The following TRAPPC9 variants were observed in gnomAD, a reference collection of about 807,000 sequenced individuals.
TRAPPC9 encodes trafficking protein particle complex subunit 9.
In TRAPPC9, 83 loss-of-function variants were observed where a neutral mutation model predicts 124.0. The observed-to-expected ratio is 0.67, with a 90% CI of 0.56 to 0.80. The LOEUF (loss-of-function observed/expected upper bound fraction) is 0.80, where lower values mean the gene tolerates loss of function less well. Among genes scored for constraint, TRAPPC9 ranks in the 30% least tolerant of loss-of-function variants. The pLI, the probability that TRAPPC9 is intolerant of heterozygous loss-of-function variation, is 0.00. For synonymous variants in TRAPPC9, 638 were observed against 617.5 expected (o/e 1.03, Z -0.49); for missense variants, 1,302 against 1,508.3 (o/e 0.86, Z 2.27).
At chr8:140,315,443 T>C (rs7845481) in intron 9 of TRAPPC9, among the ~76,000 whole-genome samples, 42,231 of 151,990 alleles carry the variant, frequency 0.28, 6,200 homozygotes, top group Middle Eastern at 0.39. Flanking sequence ...AAAAAGCTTA[T>C]GAAAGTTATA....
rs564474426 is a variant in TRAPPC9 at position 140,078,942 on chromosome 8, C to G, written c.2557-54863G>C. ...CCAGTGATATGGTTTGGCTGTGTCC[C>G]CACCCAAATCTTATCTTGAATTGTA... On this transcript the variant is annotated intron_variant, in intron 17 of 22. Coordinates refer to ENST00000438773, the MANE Select transcript of TRAPPC9 (RefSeq NM_001160372.4). 3.3e-5 allele frequency among the ~76,000 whole-genome samples: 5 copies of G among 152,204 alleles called. No homozygotes were observed. In the East Asian group the frequency reaches 9.7e-4, roughly 29 times the overall value.
intron 15 of TRAPPC9, among the ~76,000 whole-genome samples, chr8:140,272,083 T>C (rs79148373): frequency 0.18 from 18,275 of 103,496 alleles, 1,183 homozygotes; most frequent in South Asian, 0.28. Context: ...ATGGTGGTGG[T>C]TGTGTTGATG....
At chr8:140,385,343 G>A (rs1055932573) in intron 7 of TRAPPC9, among the ~76,000 whole-genome samples, 5 of 152,054 alleles carry the variant, frequency 3.3e-5, no homozygotes, top group African/African-American at 1.2e-4. Context: ...AGGAGATAGA[G>A]ACACAAAAAA....
At chr8:140,123,176 TG>T (rs1340148973) in intron 17 of TRAPPC9, among the ~76,000 whole-genome samples, 1 of 151,838 alleles carries the variant, frequency 6.6e-6, no homozygotes, top group African/African-American at 2.4e-5. Flanking sequence ...TCCACCTTGT[TG>T]CTGGTCACTG....
intron 15 of TRAPPC9, among the ~76,000 whole-genome samples, chr8:140,264,326 T>TCCCGGGTGCTC (rs2064540163): frequency 1.3e-5 from 2 of 151,964 alleles, no homozygotes; most frequent in South Asian, 4.2e-4. Context: ...CTCTTGCCTT[T>TCCCGGGTGCTC]CCCAGGTGCT....
intron 3 of TRAPPC9, among the ~76,000 whole-genome samples, chr8:140,438,368 C>T (rs191314442): frequency 4.6e-5 from 7 of 152,286 alleles, no homozygotes; most frequent in East Asian, 1.9e-4. Context: ...AATAATATTC[C>T]GCTGTATGCC....
At chr8:140,151,943 G>GC (rs1229579687) in intron 17 of TRAPPC9, among the ~76,000 whole-genome samples, 2 of 152,100 alleles carry the variant, frequency 1.3e-5, no homozygotes. Context: ...CACTGCTCTG[G>GC]CATTCACTTT....
Position 140,257,554 on chromosome 8 carries a change from G to A in TRAPPC9, c.2279-4625C>T, listed in dbSNP as rs796487034. 8.5e-5 allele frequency among the ~76,000 whole-genome samples: 13 copies of A among 152,294 alleles called. No homozygotes were observed. The highest frequency in any genetic ancestry group is 4.1e-4 in the South Asian group (2 of 4,834). On this transcript the variant is annotated intron_variant, in intron 15 of 22. Coordinates refer to ENST00000438773, the MANE Select transcript of TRAPPC9 (RefSeq NM_001160372.4). This position sits in a 1 kb window ranked among gnomAD's most constrained non-coding sequence, Gnocchi z 4.6. ...CAGGGGAGGGAGGAAAGAAGCACAC[G>A]TCCTTTCAGAAGTTGACATCTGGTG...
intron 19 of TRAPPC9, among the ~76,000 whole-genome samples, chr8:139,945,543 CAAAAAAAAAAAAAA>C (rs61528944): frequency 6.3e-4 from 42 of 66,172 alleles, no homozygotes; most frequent in African/African-American, 2.8e-3. Flanking sequence ...GCACAATTAG[CAAAAAAAAAAAAAA>C]AAAAAAAAAA....
chr8:140,456,640 C>A, intron 1 of TRAPPC9, among the ~76,000 whole-genome samples: 1 of 152,104 alleles, frequency 6.6e-6, no homozygotes, highest in Non-Finnish European at 1.5e-5. Flanking sequence ...ATCTTTAGGA[C>A]GGCAATGTTC....
At chr8:139,869,847 C>T (rs371235414) in intron 21 of TRAPPC9, among the ~76,000 whole-genome samples, 4 of 151,872 alleles carry the variant, frequency 2.6e-5, no homozygotes, top group African/African-American at 4.8e-5. Context: ...AAATTAATTG[C>T]AGAATGCCTA....
At chr8:140,045,822 A>T (rs1841560244) in intron 17 of TRAPPC9, among the ~76,000 whole-genome samples, 1 of 151,852 alleles carries the variant, frequency 6.6e-6, no homozygotes. Flanking sequence ...ACATTCCCTT[A>T]TTCATCCTTT....
At chr8:139,871,089 G>A (rs1489897056) in intron 21 of TRAPPC9, among the ~76,000 whole-genome samples, 3 of 152,182 alleles carry the variant, frequency 2.0e-5, no homozygotes, top group Non-Finnish European at 4.4e-5. Context: ...ATGAGGTTGT[G>A]TGAGGACTGT....
chr8:140,051,879 C>A lies in TRAPPC9; in HGVS notation c.2557-27800G>T, dbSNP rs149785923. ...TTTTCACTCTCCTGTAAGATCACAGCAGGAGTTTAACTGTGTTTCCAATCC... is the reference window on the plus strand; with the variant it reads ...TTTTCACTCTCCTGTAAGATCACAGAAGGAGTTTAACTGTGTTTCCAATCC... On this transcript the variant is annotated intron_variant, in intron 17 of 22. Transcript: ENST00000438773. 6.3e-3 allele frequency among the ~76,000 whole-genome samples: 952 copies of A among 152,166 alleles called. 7 individuals carry two copies. Among genetic ancestry groups the A allele is most frequent in the Middle Eastern group, 0.01 (3 of 294 alleles).
intron 17 of TRAPPC9, among the ~76,000 whole-genome samples, chr8:140,059,406 T>G (rs959761554): frequency 2.0e-5 from 3 of 152,218 alleles, no homozygotes; most frequent in African/African-American, 7.2e-5. Context: ...AACGTTGCAA[T>G]GAACATCAAA....
At chr8:140,356,594 CAT>C (rs935655169) in intron 9 of TRAPPC9, among the ~76,000 whole-genome samples, 35 of 151,812 alleles carry the variant, frequency 2.3e-4, no homozygotes, top group Admixed American at 2.0e-3. Context: ...TACAAACACA[CAT>C]GTGTTCCTTG....
rs369825761 is a variant in TRAPPC9 at position 139,990,356 on chromosome 8, T to C, written c.2700-1520A>G. Among the ~76,000 whole-genome samples, 30 of 152,278 alleles carry C rather than the reference T, an allele frequency of 2.0e-4. No individual in the cohort carries two copies. In the South Asian group the frequency reaches 6.2e-3, roughly 32 times the overall value. On this transcript the variant is annotated intron_variant, in intron 18 of 22. Transcript: ENST00000438773. The stretch of plus-strand genomic sequence containing the variant: ...GCTTTTCCCAATAGATGTGGACCTC[T>C]ATTCATTCCAAAGCCACACATGTCC...
chr8:140,140,058 G>C (rs970599547), intron 17 of TRAPPC9, among the ~76,000 whole-genome samples: 7 of 152,210 alleles, frequency 4.6e-5, no homozygotes, highest in Non-Finnish European at 1.0e-4. Flanking sequence ...CGGGGTGCTT[G>C]TGTGCAGTGA....
At chr8:140,229,853 T>A (rs2063551012) in intron 16 of TRAPPC9, among the ~76,000 whole-genome samples, 2 of 152,182 alleles carry the variant, frequency 1.3e-5, no homozygotes, top group African/African-American at 2.4e-5. Flanking sequence ...CCACCACACC[T>A]GGCCTCCATA....
Sources: allele counts gnomAD v4.1 joint callset (sites outside exome capture counted in the v4.1 genomes callset), GRCh38; gene constraint gnomAD v4.1.1; non-coding constraint Gnocchi (gnomAD v3.1); transcripts MANE v1.5; gene names NCBI Gene and HGNC (gene_info 2026-07-23, HGNC 2026-07-21).